DAB2: variants seen among roughly 807,000 people sequenced by gnomAD.
The protein encoded by DAB2 is disabled homolog 2.
In DAB2, 28 loss-of-function variants were observed where a neutral mutation model predicts 71.6. The ratio of observed to expected loss-of-function variants is 0.39; its 90% confidence interval spans 0.29 to 0.54. The LOEUF (loss-of-function observed/expected upper bound fraction) is 0.54. Ranked by LOEUF, DAB2 falls within the 20% of genes least tolerant of loss-of-function variation. The pLI is 0.68. For synonymous variants in DAB2, 345 were observed against 339.7 expected (o/e 1.02, Z -0.17); for missense variants, 867 against 928.8 (o/e 0.93, Z 0.86).
chr5:39,381,548 C>G lies in DAB2; in HGVS notation c.1410G>C (p.Ala470=), dbSNP rs769703014. The G allele has an allele frequency of 5.6e-6, 9 of 1,614,038 alleles. No individual in the cohort carries two copies. Among genetic ancestry groups the G allele is most frequent in the Non-Finnish European group, 7.6e-6 (9 of 1,179,980 alleles). ...GGGCTGTAGGTTGTCCTGTGGGTGA[C>G]GCCTGGCCTGAAGGTTCTGAGACGG... ...APPVSEPSGQ[A]SPTGQPTALQ... is the part of the protein sequence containing the mutation. Residue 470 remains alanine, a synonymous_variant, in exon 11 of 15, where the codon GCG becomes GCC. Coordinates refer to ENST00000320816, the MANE Select transcript of DAB2 (RefSeq NM_001343.4).
chr5:39,392,511 T>G (rs1755257743), intron 3 of DAB2, 48 bp from the exon 4 acceptor site: 2 of 1,360,398 alleles, frequency 1.5e-6, no homozygotes, highest in African/African-American at 2.9e-5. Context: ...AAAAACATCC[T>G]ACAATGGTTT....
chr5:39,376,261 TATTATCC>T (rs1754826528), intron 12 of DAB2, among the ~76,000 whole-genome samples, 155 bp from the exon 13 acceptor site: 1 of 152,168 alleles, frequency 6.6e-6, no homozygotes, highest in Non-Finnish European at 1.5e-5. Flanking sequence ...CCCCAATAAT[TATTATCC>T]TTCTCGGAAG....
Position 39,383,021 on chromosome 5 carries a change from G to T in DAB2, c.938C>A (p.Ser313Tyr), listed in dbSNP as rs1054018308. The part of the protein sequence containing the change: ...PDQSTPSSFD[S>Y]LKSPDQKKEN... ...TTTCTTCTGATCTGGAGATTTGAGA[G>T]AATCAAACGAAGAAGGTGTCGATTG... The change falls in exon 10 of 15, where the codon TCT (serine) becomes TAT (tyrosine). Residue 313 changes from serine (S) to tyrosine (Y), a missense_variant. Ser to Tyr is a moderately radical substitution (Grantham distance 144). Transcript: ENST00000320816. 6.2e-7 allele frequency: 1 copy of T among 1,614,042 alleles called. No homozygotes were observed. Among genetic ancestry groups the T allele is most frequent in the Admixed American group, 1.7e-5 (1 of 60,008 alleles).
chr5:39,423,023 A>T (rs962403424), intron 1 of DAB2, among the ~76,000 whole-genome samples: 4 of 152,170 alleles, frequency 2.6e-5, no homozygotes. Context: ...TGGCAAATAC[A>T]TACGTGTATG....
chr5:39,391,297 G>A (rs1755221899), intron 4 of DAB2, among the ~76,000 whole-genome samples: 1 of 152,080 alleles, frequency 6.6e-6, no homozygotes, highest in African/African-American at 2.4e-5. Context: ...ATATTTGTAG[G>A]TGGCAGAGTG....
chr5:39,393,507 A>T (rs1359348439), intron 2 of DAB2, 114 bp from the exon 3 acceptor site: 4 of 1,072,312 alleles, frequency 3.7e-6, no homozygotes, highest in Non-Finnish European at 4.1e-6. Flanking sequence ...ACAACTGATC[A>T]TGTATGTAAT....
chr5:39,389,836 A>C lies in DAB2; in HGVS notation c.543+16T>G, dbSNP rs772810184. On this transcript the variant is annotated intron_variant, in intron 6 of 14. Transcript: ENST00000320816. ...CAGTTTTAAATTTAATAGAGCCTTA[A>C]TCAGGTAGTACTTGCCTTTTTCTTT... 53 of 1,407,122 alleles carry C rather than the reference A, an allele frequency of 3.8e-5. No individual in the cohort carries two copies. Among genetic ancestry groups the C allele is most frequent in the Middle Eastern group, 3.8e-4 (2 of 5,266 alleles). The allele number at this position is 1,407,122 out of a possible 1,614,324, so 87.2% of individuals were successfully genotyped here. A position where few individuals can be genotyped will look rare whatever the true frequency, so the allele number is the denominator to read the frequency against.
At chr5:39,404,936 G>A (rs1755580405) in intron 1 of DAB2, among the ~76,000 whole-genome samples, 1 of 152,216 alleles carries the variant, frequency 6.6e-6, no homozygotes, top group Non-Finnish European at 1.5e-5. Context: ...TTCACAAGCT[G>A]AACAGAAGTA....
chr5:39,375,945 A>C, intron 13 of DAB2, 52 bp downstream of exon 13: 1 of 1,297,360 alleles, frequency 7.7e-7, no homozygotes, highest in South Asian at 1.2e-5. Context: ...AGGAGGCTGG[A>C]GCTCTATGTG....
At chr5:39,399,720 G>A (rs1201124882) in intron 1 of DAB2, among the ~76,000 whole-genome samples, 1 of 152,168 alleles carries the variant, frequency 6.6e-6, no homozygotes, top group Non-Finnish European at 1.5e-5. Flanking sequence ...AAGACTGCAT[G>A]AGTCATCTTA....
At chr5:39,401,834 G>A (rs922580801) in intron 1 of DAB2, among the ~76,000 whole-genome samples, 1 of 151,546 alleles carries the variant, frequency 6.6e-6, no homozygotes, top group Non-Finnish European at 1.5e-5. Context: ...CTCACTGCAA[G>A]CTCCGCCTGC....
chr5:39,400,950 G>A (rs1351761340), intron 1 of DAB2, among the ~76,000 whole-genome samples: 1 of 152,194 alleles, frequency 6.6e-6, no homozygotes, highest in Non-Finnish European at 1.5e-5. Context: ...CTCTAAGACA[G>A]ACCTCGGGGT....
intron 1 of DAB2, among the ~76,000 whole-genome samples, chr5:39,410,522 C>A (rs1003322401): frequency 3.3e-5 from 5 of 152,106 alleles, no homozygotes; most frequent in African/African-American, 1.2e-4. Context: ...TTAAACAAAT[C>A]ATTAAATCAT....
intron 8 of DAB2, 93 bp downstream of exon 8, chr5:39,388,706 T>G (rs1365388046): frequency 9.7e-7 from 1 of 1,031,616 alleles, no homozygotes; most frequent in Non-Finnish European, 1.5e-6. Flanking sequence ...TTCATATAGA[T>G]TCAATACAGA....
chr5:39,418,183 T>A (rs538270496), intron 1 of DAB2: 2 of 152,248 alleles, frequency 1.3e-5, no homozygotes, highest in Non-Finnish European at 2.9e-5. Flanking sequence ...GCACCTACTA[T>A]GTGTAGCCAC....
intron 1 of DAB2, among the ~76,000 whole-genome samples, chr5:39,406,744 A>T (rs1479541233): frequency 1.3e-5 from 2 of 152,186 alleles, no homozygotes; most frequent in Non-Finnish European, 2.9e-5. Flanking sequence ...TAGATGGTAA[A>T]GTAGGATATT....
chr5:39,378,598 T>G (rs753990199), intron 11 of DAB2, among the ~76,000 whole-genome samples: 8 of 152,236 alleles, frequency 5.3e-5, no homozygotes, highest in Non-Finnish European at 1.2e-4. Flanking sequence ...CATCTGGCCA[T>G]GGGCACACAT....
chr5:39,372,252 A>G lies in DAB2; in HGVS notation c.*1179T>C, dbSNP rs572676448. On this transcript the variant is annotated 3_prime_UTR_variant, in exon 15 of 15. Coordinates refer to ENST00000320816, the MANE Select transcript of DAB2 (RefSeq NM_001343.4). ...AAATATTGCAGACATTAGATTTTCA[A>G]TGGTAACCCCAAACATTTGTTCTAC... 1 of 152,322 alleles carries G rather than the reference A, an allele frequency of 6.6e-6. No homozygotes were observed. Among genetic ancestry groups the G allele is most frequent in the South Asian group, 2.1e-4 (1 of 4,824 alleles). The allele number at this position is 152,322 out of a possible 1,614,324, so 9.4% of individuals were successfully genotyped here.
At chr5:39,396,660 T>C (rs1157163441) in intron 1 of DAB2, among the ~76,000 whole-genome samples, 1 of 152,242 alleles carries the variant, frequency 6.6e-6, no homozygotes, top group Non-Finnish European at 1.5e-5. Flanking sequence ...ATTATTCAGA[T>C]GGGACTGCAA....
Sources: allele counts gnomAD v4.1 joint callset (sites outside exome capture counted in the v4.1 genomes callset), GRCh38; gene constraint gnomAD v4.1.1; transcripts MANE v1.5; gene names NCBI Gene and HGNC (gene_info 2026-07-23, HGNC 2026-07-21).